Variants in SLCO1A2 observed in about 807,000 individuals in gnomAD.
SLCO1A2 encodes the protein OATP-1.
Under a neutral mutation model 69.0 loss-of-function variants are expected in SLCO1A2, and 67 were observed. That is an observed-to-expected ratio of 0.97 (90% confidence interval 0.80 to 1.19). The LOEUF (loss-of-function observed/expected upper bound fraction) is 1.19, where lower values mean the gene tolerates loss of function less well. Among genes scored for constraint, SLCO1A2 ranks in the 50% most tolerant of loss-of-function variants. The probability of loss-of-function intolerance (pLI) is 0.00; values close to 1 mark genes in which losing one functional copy is unlikely to be tolerated. For missense variants in SLCO1A2, 787 were observed against 793.7 expected, an observed-to-expected ratio of 0.99 and a Z score of 0.10; for synonymous variants, 260 against 265.9, an observed-to-expected ratio of 0.98 and a Z score of 0.22.
chr12:21,280,814 A>T (rs983248809), intron 12 of SLCO1A2, among the ~76,000 whole-genome samples: 4 of 152,198 alleles, frequency 2.6e-5, no homozygotes, highest in Non-Finnish European at 5.9e-5. Flanking sequence ...CACATGGATC[A>T]TTCTCAAGGA....
chr12:21,359,917 C>T (rs1307714443), intron 2 of SLCO1A2, among the ~76,000 whole-genome samples: 1 of 151,984 alleles, frequency 6.6e-6, no homozygotes, highest in Non-Finnish European at 1.5e-5. Context: ...AATGGCTAAA[C>T]ATTTTGTAAT....
chr12:21,386,195 G>A (rs1248147963), intron 1 of SLCO1A2, among the ~76,000 whole-genome samples: 1 of 152,114 alleles, frequency 6.6e-6, no homozygotes, highest in Non-Finnish European at 1.5e-5. Flanking sequence ...TTGGAATCAG[G>A]CAGACCTTTG....
At chr12:21,299,896 A>G (rs1249364293) in intron 8 of SLCO1A2, among the ~76,000 whole-genome samples, 4 of 147,952 alleles carry the variant, frequency 2.7e-5, no homozygotes, top group African/African-American at 9.9e-5. Flanking sequence ...ACGTGTATAT[A>G]TATATATACG....
At chr12:21,344,127 G>A (rs1953172024) in intron 2 of SLCO1A2, among the ~76,000 whole-genome samples, 1 of 152,056 alleles carries the variant, frequency 6.6e-6, no homozygotes, top group African/African-American at 2.4e-5. Context: ...GTGACCATTT[G>A]CATGTAGCAT....
intron 12 of SLCO1A2, among the ~76,000 whole-genome samples, chr12:21,289,485 T>A (rs1181645219): frequency 6.6e-6 from 1 of 152,042 alleles, no homozygotes; most frequent in South Asian, 2.1e-4. Context: ...TCCAGGAGAA[T>A]GGAGTGGGAT....
intron 1 of SLCO1A2, among the ~76,000 whole-genome samples, chr12:21,381,313 C>A (rs1940574971): frequency 6.6e-6 from 1 of 151,624 alleles, no homozygotes; most frequent in Non-Finnish European, 1.5e-5. Flanking sequence ...TCGAACAAAT[C>A]AGCAAGAAAA....
At chr12:21,316,391 C>T (rs1950864961) in intron 3 of SLCO1A2, among the ~76,000 whole-genome samples, 1 of 152,148 alleles carries the variant, frequency 6.6e-6, no homozygotes, top group African/African-American at 2.4e-5. Context: ...TTCCCCCCTC[C>T]CTAATCCCCT....
At chr12:21,324,604 T>C (rs567276032) in intron 2 of SLCO1A2, 7 of 152,306 alleles carry the variant, frequency 4.6e-5, no homozygotes, top group Non-Finnish European at 8.8e-5. Context: ...GGTTTCCAAA[T>C]TTGGGAGAAC....
intron 2 of SLCO1A2, among the ~76,000 whole-genome samples, chr12:21,371,230 G>A (rs1402531172): frequency 6.6e-6 from 1 of 152,134 alleles, no homozygotes; most frequent in East Asian, 1.9e-4. Context: ...GGCACACTAG[G>A]GGGCGTGTCT....
At chr12:21,385,990 G>C (rs1191680954) in intron 1 of SLCO1A2, among the ~76,000 whole-genome samples, 3 of 152,328 alleles carry the variant, frequency 2.0e-5, no homozygotes, top group African/African-American at 4.8e-5. Flanking sequence ...AGTTTTCAGA[G>C]CTTTATTTGA....
chr12:21,293,027 G>A (rs1947124788), intron 11 of SLCO1A2, among the ~76,000 whole-genome samples: 1 of 152,216 alleles, frequency 6.6e-6, no homozygotes. Context: ...TATTTCAGCA[G>A]GGCGCAGTGG....
At chr12:21,383,648 T>C (rs1940722437) in intron 1 of SLCO1A2, among the ~76,000 whole-genome samples, 1 of 152,204 alleles carries the variant, frequency 6.6e-6, no homozygotes, top group Non-Finnish European at 1.5e-5. Flanking sequence ...GTCCTGAATT[T>C]ACATAGACAT....
At chr12:21,346,019 CAAG>C (rs1388010752) in intron 2 of SLCO1A2, among the ~76,000 whole-genome samples, 1 of 151,448 alleles carries the variant, frequency 6.6e-6, no homozygotes, top group Non-Finnish European at 1.5e-5. Context: ...CAAACATAAT[CAAG>C]AAGAATAAAT....
chr12:21,273,074 G>GTTGA (rs1943162341), intron 14 of SLCO1A2, among the ~76,000 whole-genome samples: 1 of 152,136 alleles, frequency 6.6e-6, no homozygotes, highest in African/African-American at 2.4e-5. Context: ...TCATGTTCAA[G>GTTGA]TTGATTTTCC....
At chr12:21,406,883 T>C (rs1300597168) in intron 1 of SLCO1A2, among the ~76,000 whole-genome samples, 4 of 152,212 alleles carry the variant, frequency 2.6e-5, no homozygotes, top group Non-Finnish European at 5.9e-5. Flanking sequence ...ACTGTTAGAA[T>C]GTTCAAAGCA....
In SLCO1A2 at chr12:21,295,812, A is replaced by G. The variant is rs765516946; in HGVS notation, c.1076-20T>C. On this transcript the variant is annotated intron_variant, in intron 9 of 14. Transcript: ENST00000683939. ...AAATACCTATAAATGCAAATAAAAT[A>G]TTATTTACAAAATGACTTACCAAAG... 1.5e-6 allele frequency: 2 copies of G among 1,305,366 alleles called. No homozygotes were observed. The highest frequency in any genetic ancestry group is 2.5e-5 in the South Asian group (2 of 79,162). 80.9% of individuals were successfully genotyped at this position (1,305,366 alleles called of 1,614,324 possible). A position where few individuals can be genotyped will look rare whatever the true frequency, so the allele number is the denominator to read the frequency against.
rs779263931 is a variant in SLCO1A2 at position 21,347,664 on chromosome 12, GA to G, written c.-62-12956del. ...ACTCTGGAAAGAAGGAAAGAAGAAA[GA>G]AAGAAAGGAAGGAAGGAAGGAAGGA... On this transcript the variant is annotated intron_variant, in intron 2 of 15. Coordinates refer to the SLCO1A2 transcript ENST00000307378. Among the ~76,000 whole-genome samples the G allele has an allele frequency of 6.6e-4, 84 of 126,892 alleles. 1 individual carries two copies. Among genetic ancestry groups the G allele is most frequent in the South Asian group, 4.4e-3 (17 of 3,838 alleles). 83.2% of individuals were successfully genotyped at this position (126,892 alleles called of 152,430 possible).
chr12:21,297,798 T>TAA (rs1947959811), intron 8 of SLCO1A2, among the ~76,000 whole-genome samples: 1 of 152,224 alleles, frequency 6.6e-6, no homozygotes, highest in South Asian at 2.1e-4. Context: ...ACAACAGTTT[T>TAA]GCCCTCAATA....
intron 1 of SLCO1A2, among the ~76,000 whole-genome samples, chr12:21,375,374 T>C (rs1940116092): frequency 6.6e-6 from 1 of 152,218 alleles, no homozygotes; most frequent in African/African-American, 2.4e-5. Flanking sequence ...CTATTCTACA[T>C]ATCTCACAGA....
Sources: allele counts gnomAD v4.1 joint callset (sites outside exome capture counted in the v4.1 genomes callset), GRCh38; gene constraint gnomAD v4.1.1; transcripts MANE v1.5; gene names NCBI Gene and HGNC (gene_info 2026-07-23, HGNC 2026-07-21).